The following TCERG1L variants were observed in gnomAD, a reference collection of about 807,000 sequenced individuals.
TCERG1L encodes transcription elongation regulator 1 like.
A neutral mutation model predicts 56.3 loss-of-function variants in TCERG1L; 37 were observed. That is an observed-to-expected ratio of 0.66 (90% CI 0.51 to 0.87). TCERG1L has a LOEUF of 0.87. TCERG1L is among the 40% of genes least tolerant of loss of function. The probability of loss-of-function intolerance (pLI) is 0.00; values close to 1 mark genes in which losing one functional copy is unlikely to be tolerated. For missense variants in TCERG1L, 799 were observed against 774.2 expected, an observed-to-expected ratio of 1.03 and a Z score of -0.38; for synonymous variants, 324 against 326.3, an observed-to-expected ratio of 0.99 and a Z score of 0.08.
In TCERG1L at chr10:131,112,238, C is replaced by T. The variant is rs1845419198; in HGVS notation, c.1395+4561G>A. 1.4e-5 allele frequency among the ~76,000 whole-genome samples: 2 copies of T among 142,842 alleles called. 1 individual carries two copies. The highest frequency in any genetic ancestry group is 3.2e-5 in the Non-Finnish European group (2 of 63,322). 93.7% of individuals were successfully genotyped at this position (142,842 alleles called of 152,430 possible). On this transcript the variant is annotated intron_variant, in intron 9 of 11. Coordinates refer to ENST00000368642, the MANE Select transcript of TCERG1L (RefSeq NM_174937.4). ...GAAGACTTGGGCCACGCCCCTGTCCCCGAGCTCTGTCCAGATGTGCCCGCT... is the reference window on the plus strand; with the variant it reads ...GAAGACTTGGGCCACGCCCCTGTCCTCGAGCTCTGTCCAGATGTGCCCGCT...
chr10:131,181,986 CTG>C (rs1308691940), intron 4 of TCERG1L, among the ~76,000 whole-genome samples: 2 of 152,228 alleles, frequency 1.3e-5, no homozygotes, highest in South Asian at 2.1e-4. Context: ...AGCAATGTAT[CTG>C]TGTGTGTGCA....
At chr10:131,268,545 T>C (rs572901634) in intron 3 of TCERG1L, among the ~76,000 whole-genome samples, 51 of 152,316 alleles carry the variant, frequency 3.3e-4, no homozygotes, top group Admixed American at 2.5e-3. Context: ...TTCTCCTCTA[T>C]AGCTATAAAA....
At chr10:131,285,680 G>T (rs1843224581) in intron 3 of TCERG1L, among the ~76,000 whole-genome samples, 1 of 152,074 alleles carries the variant, frequency 6.6e-6, no homozygotes, top group Non-Finnish European at 1.5e-5. Context: ...TATGAAAAGG[G>T]CAATTCAACA....
At position 131,260,816 on chromosome 10, in the gene TCERG1L, G is replaced by A. The variant is rs1418300529; in HGVS notation, c.671-372C>T. On this transcript the variant is annotated intron_variant, in intron 3 of 11. Coordinates refer to ENST00000368642, the MANE Select transcript of TCERG1L (RefSeq NM_174937.4). The surrounding 1 kb of genome is among the most constrained non-coding windows in gnomAD (Gnocchi z 5.8). The stretch of plus-strand genomic sequence containing the variant: ...CATGAACAGCACTCAGTGATTTGGA[G>A]CAGAAACCGGTGAAGGCCCAGGAGT... 1.3e-5 allele frequency among the ~76,000 whole-genome samples: 2 copies of A among 152,184 alleles called. No individual in the cohort carries two copies. The highest frequency in any genetic ancestry group is 3.9e-4 in the East Asian group (2 of 5,186).
In TCERG1L at chr10:131,093,219, T is replaced by C. The variant is rs1419934421; in HGVS notation, c.1704A>G (p.Ile568Met). 6.2e-7 allele frequency: 1 copy of C among 1,613,856 alleles called. No homozygotes were observed. The highest frequency in any genetic ancestry group is 8.5e-7 in the Non-Finnish European group (1 of 1,179,874). ...KDQEHFFNQFILILKKRDKEN... is the reference protein window; with the variant it reads ...KDQEHFFNQFMLILKKRDKEN... ...CCTTGTCCCGTTTCTTAAGAATAAG[T>C]ATGAATTGGTTGAAAAAATGCTCCT... Residue 568 changes from isoleucine to methionine, a missense_variant, in exon 12 of 12, where the codon ATA becomes ATG. Physicochemically the swap from Ile to Met is conservative, Grantham distance 10. Coordinates refer to ENST00000368642, the MANE Select transcript of TCERG1L (RefSeq NM_174937.4).
intron 3 of TCERG1L, among the ~76,000 whole-genome samples, chr10:131,282,500 C>T (rs1439571618): frequency 2.6e-5 from 4 of 152,056 alleles, no homozygotes; most frequent in South Asian, 4.2e-4. Context: ...GAAGACAAGA[C>T]CTCCCTCTCT....
chr10:131,282,783 GAC>G (rs916494443), intron 3 of TCERG1L, among the ~76,000 whole-genome samples: 5 of 152,148 alleles, frequency 3.3e-5, no homozygotes, highest in African/African-American at 1.2e-4. Context: ...AAATGAGACA[GAC>G]ACAGAGGGCT....
intron 4 of TCERG1L, among the ~76,000 whole-genome samples, chr10:131,172,529 C>T (rs897731196): frequency 2.6e-5 from 4 of 152,224 alleles, no homozygotes; most frequent in Non-Finnish European, 4.4e-5. Flanking sequence ...TTGGAGTTCT[C>T]GATTGTTGTA....
chr10:131,254,863 G>T (rs1846151739), intron 4 of TCERG1L, among the ~76,000 whole-genome samples: 1 of 152,200 alleles, frequency 6.6e-6, no homozygotes, highest in South Asian at 2.1e-4. Flanking sequence ...TTTTTGTTTT[G>T]ATTTCCATAA....
At chr10:131,308,896 T>A (rs1846845147) in intron 2 of TCERG1L, among the ~76,000 whole-genome samples, 1 of 152,082 alleles carries the variant, frequency 6.6e-6, no homozygotes, top group Non-Finnish European at 1.5e-5. Flanking sequence ...CAAAAAAATT[T>A]TAAAAAAGAC....
chr10:131,105,649 C>A (rs1336585048), intron 9 of TCERG1L, among the ~76,000 whole-genome samples: 1 of 152,090 alleles, frequency 6.6e-6, no homozygotes, highest in African/African-American at 2.4e-5. Flanking sequence ...TTGCTATGGA[C>A]TCATGGATAT....
At chr10:131,222,787 A>C (rs1845748142) in intron 4 of TCERG1L, among the ~76,000 whole-genome samples, 2 of 152,084 alleles carry the variant, frequency 1.3e-5, no homozygotes. Context: ...GAGGGTGGAT[A>C]AGGCCCCTTC....
At chr10:131,178,659 G>T (rs1219394265) in intron 4 of TCERG1L, among the ~76,000 whole-genome samples, 1 of 152,134 alleles carries the variant, frequency 6.6e-6, no homozygotes, top group South Asian at 2.1e-4. Flanking sequence ...GAGACATGTG[G>T]TCTCGCCTGT....
At chr10:131,173,860 C>T (rs780800137) in intron 4 of TCERG1L, among the ~76,000 whole-genome samples, 9 of 152,294 alleles carry the variant, frequency 5.9e-5, no homozygotes, top group East Asian at 1.9e-4. Context: ...AGCCAAATCC[C>T]GCTGGTGAGG....
At chr10:131,112,308 T>C (rs1240193780) in intron 9 of TCERG1L, among the ~76,000 whole-genome samples, 1 of 142,624 alleles carries the variant, frequency 7.0e-6, no homozygotes, top group Non-Finnish European at 1.6e-5. Flanking sequence ...GAGATGCCTG[T>C]CTGGATCTGC....
intron 8 of TCERG1L, 115 bp downstream of exon 8, chr10:131,134,264 C>A (rs111343891): frequency 1.1e-6 from 1 of 919,280 alleles, no homozygotes; most frequent in South Asian, 1.6e-5. Flanking sequence ...ATCTGTCTAG[C>A]GGTTGAATTA....
chr10:131,136,083 C>G (rs1006732552), intron 7 of TCERG1L, among the ~76,000 whole-genome samples: 1 of 152,240 alleles, frequency 6.6e-6, no homozygotes, highest in Non-Finnish European at 1.5e-5. Flanking sequence ...TCCAGAAGTT[C>G]CCAAATGTCC....
chr10:131,244,447 G>C (rs1846007709), intron 4 of TCERG1L, among the ~76,000 whole-genome samples: 1 of 152,100 alleles, frequency 6.6e-6, no homozygotes, highest in Admixed American at 6.5e-5. Flanking sequence ...GGTGCTTTGG[G>C]AGTAGGTGGG....
chr10:131,160,359 C>G (rs1396774099), intron 6 of TCERG1L, among the ~76,000 whole-genome samples: 1 of 152,092 alleles, frequency 6.6e-6, no homozygotes, highest in Non-Finnish European at 1.5e-5. Context: ...TTCCTCTGTG[C>G]TCCCAGGCCC....
Sources: gnomAD v4.1 joint callset for allele counts (sites outside exome capture counted in the v4.1 genomes callset) on GRCh38, gnomAD v4.1.1 for gene constraint, Gnocchi (gnomAD v3.1) non-coding constraint, MANE v1.5 for transcripts, NCBI Gene and HGNC (gene_info 2026-07-23, HGNC 2026-07-21) for gene names.